FAM107A: variants seen among roughly 807,000 people sequenced by gnomAD.
FAM107A encodes the protein actin-associated protein FAM107A.
Under a neutral mutation model 13.7 loss-of-function variants are expected in FAM107A, and 19 were observed. The observed-to-expected ratio is 1.38, with a 90% CI of 0.97 to 2.03. The LOEUF is 2.03. Among genes scored for constraint, FAM107A ranks in the 30% most tolerant of loss-of-function variants. FAM107A has a pLI of 0.00. For synonymous variants in FAM107A, 82 were observed against 74.5 expected (o/e 1.10, Z -0.52); for missense variants, 203 against 184.4 (o/e 1.10, Z -0.58).
chr3:58,627,087 G>GCC, intron 1 of FAM107A: 4 of 1,304,328 alleles, frequency 3.1e-6, no homozygotes, highest in Non-Finnish European at 4.3e-6. Context: ...GACCCAAGGG[G>GCC]CTCCCGGGGC....
chr3:58,569,709 A>C lies in FAM107A; in HGVS notation c.152T>G (p.Leu51Arg). 1 of 1,613,452 alleles carries C rather than the reference A, an allele frequency of 6.2e-7. No homozygotes were observed. The highest frequency in any genetic ancestry group is 1.1e-5 in the South Asian group (1 of 91,032). Residue 51 changes from leucine (L) to arginine (R), a missense_variant, in exon 2 of 4, where the codon CTG becomes CGG. Leu to Arg is a moderately radical substitution (Grantham distance 102). Transcript: ENST00000360997. This position sits in a 1 kb window ranked among gnomAD's most constrained non-coding sequence, Gnocchi z 5.7. ...TCCCTACCTTCTGTGGTTCATGAGC[A>C]GCTCCCGGTGGAGCTCCTGGTGACT... is the stretch of plus-strand genomic sequence containing the variant. The part of the protein sequence containing the change: ...SRSHQELHRE[L>R]LMNHRRGLGV...
At chr3:58,600,754 T>C (rs1258315963) in intron 1 of FAM107A, among the ~76,000 whole-genome samples, 1 of 152,186 alleles carries the variant, frequency 6.6e-6, no homozygotes, top group Non-Finnish European at 1.5e-5. Flanking sequence ...CTTTGGATGG[T>C]GCAGCTCTAA....
intron 1 of FAM107A, among the ~76,000 whole-genome samples, chr3:58,584,573 A>C (rs1281896402): frequency 1.3e-5 from 2 of 152,204 alleles, no homozygotes; most frequent in African/African-American, 4.8e-5. Flanking sequence ...CGGTCTTCTT[A>C]TCTCTTAAAT....
rs191598575 is a variant in FAM107A at position 58,617,260 on chromosome 3, C to T, written c.-70+10156G>A. Reference sequence around the variant, plus strand: ...CACATCATACAACTCAGAATGACCCCTACCTGTTCCCAGAGCTCAGGTGGG... The same window carrying T: ...CACATCATACAACTCAGAATGACCCTTACCTGTTCCCAGAGCTCAGGTGGG... On this transcript the variant is annotated intron_variant, in intron 1 of 3. Coordinates refer to the FAM107A transcript ENST00000465970. This position sits in a 1 kb window ranked among gnomAD's most constrained non-coding sequence, Gnocchi z 4.5. Among the ~76,000 whole-genome samples the T allele has an allele frequency of 6.6e-6, 1 of 152,286 alleles. No homozygotes were observed. Among genetic ancestry groups the T allele is most frequent in the African/African-American group, 2.4e-5 (1 of 41,556 alleles).
intron 1 of FAM107A, chr3:58,607,000 C>T (rs546537296): frequency 6.6e-6 from 1 of 152,276 alleles, no homozygotes; most frequent in African/African-American, 2.4e-5. Context: ...ACACAGGATC[C>T]AGCCTTGCTT....
chr3:58,587,202 A>C (rs554628396), upstream of FAM107A: 7 of 986,626 alleles, frequency 7.1e-6, no homozygotes, highest in African/African-American at 1.2e-4. Context: ...CCTAGCCCCG[A>C]GGTTCCAGGG....
At chr3:58,616,526 A>AACACACACACACAC (rs59230021) in intron 1 of FAM107A, among the ~76,000 whole-genome samples, 6 of 137,864 alleles carry the variant, frequency 4.4e-5, no homozygotes, top group Non-Finnish European at 9.4e-5. Flanking sequence ...ATAAGAGGAG[A>AACACACACACACAC]ACACACACAC....
Position 58,613,145 on chromosome 3 carries a change from G to T in FAM107A, c.-70+14271C>A, listed in dbSNP as rs548806402. Among the ~76,000 whole-genome samples the T allele has an allele frequency of 6.6e-6, 1 of 152,240 alleles. No individual in the cohort carries two copies. The highest frequency in any genetic ancestry group is 1.5e-5 in the Non-Finnish European group (1 of 68,002). On this transcript the variant is annotated intron_variant, in intron 1 of 3. Coordinates refer to the FAM107A transcript ENST00000465970. This position sits in a 1 kb window ranked among gnomAD's most constrained non-coding sequence, Gnocchi z 4.6. ...CCCAAGGGAGCCAACTGCCTGTTTT[G>T]TCAGGTAACACCGACAAAAATAGCA...
At chr3:58,567,104 T>C in intron 3 of FAM107A, 104 bp downstream of exon 3, 1 of 1,393,960 alleles carries the variant, frequency 7.2e-7, no homozygotes, top group Non-Finnish European at 1.0e-6. Context: ...CAGTGCTCTG[T>C]CTGCTGATCC....
chr3:58,589,520 A>T (rs184729874), upstream of FAM107A, among the ~76,000 whole-genome samples: 509 of 152,264 alleles, frequency 3.3e-3, 3 homozygotes, highest in African/African-American at 0.012. Context: ...ATTATTTTTA[A>T]AAACAGTTTT....
chr3:58,615,653 T>C (rs2065894743), intron 1 of FAM107A, among the ~76,000 whole-genome samples: 3 of 151,984 alleles, frequency 2.0e-5, no homozygotes. Context: ...CCCAGCACTT[T>C]GGGAGGCTGA....
chr3:58,621,499 A>G (rs1038359217), intron 1 of FAM107A, among the ~76,000 whole-genome samples: 6 of 152,160 alleles, frequency 3.9e-5, no homozygotes, highest in Non-Finnish European at 7.4e-5. Context: ...CATTTTTACC[A>G]TGGTTGGGGA....
chr3:58,626,741 G>A (rs1391772940), intron 1 of FAM107A, among the ~76,000 whole-genome samples: 1 of 152,226 alleles, frequency 6.6e-6, no homozygotes, highest in Non-Finnish European at 1.5e-5. Flanking sequence ...GGGAGCCAGA[G>A]AGATTTGGCT....
intron 1 of FAM107A, among the ~76,000 whole-genome samples, chr3:58,616,814 C>T (rs542464391): frequency 4.7e-4 from 71 of 152,248 alleles, no homozygotes; most frequent in Non-Finnish European, 9.1e-4. Context: ...TGCTCTGTCA[C>T]CCAGGCTGGA....
chr3:58,609,924 G>A (rs958388883), intron 1 of FAM107A, among the ~76,000 whole-genome samples: 2 of 152,312 alleles, frequency 1.3e-5, no homozygotes, highest in Admixed American at 6.5e-5. Context: ...TTTCTTGGCT[G>A]GTTAATATGT....
At chr3:58,572,713 A>G (rs2063696314) in intron 1 of FAM107A, 1 of 152,108 alleles carries the variant, frequency 6.6e-6, no homozygotes, top group Admixed American at 6.5e-5. Context: ...TTCACTTCCA[A>G]TGGGTGGTCT....
At chr3:58,595,952 T>A (rs1351464549) in intron 1 of FAM107A, among the ~76,000 whole-genome samples, 1 of 152,242 alleles carries the variant, frequency 6.6e-6, no homozygotes, top group African/African-American at 2.4e-5. Context: ...TCATTTGTTC[T>A]CACCGTTTCC....
At chr3:58,619,008 T>C (rs1230687370) in intron 1 of FAM107A, among the ~76,000 whole-genome samples, 3 of 152,180 alleles carry the variant, frequency 2.0e-5, no homozygotes, top group Non-Finnish European at 4.4e-5. Context: ...AGTTGTGATT[T>C]TTTTTTCCTT....
intron 1 of FAM107A, among the ~76,000 whole-genome samples, chr3:58,623,652 G>A (rs1334362238): frequency 1.3e-5 from 2 of 152,206 alleles, no homozygotes; most frequent in East Asian, 1.9e-4. Context: ...CTTCAGAAGC[G>A]CCGGCAGTGG....
Sources: allele counts gnomAD v4.1 joint callset (sites outside exome capture counted in the v4.1 genomes callset), GRCh38; gene constraint gnomAD v4.1.1; non-coding constraint Gnocchi (gnomAD v3.1); transcripts MANE v1.5; gene names NCBI Gene and HGNC (gene_info 2026-07-23, HGNC 2026-07-21).